The following PDE4D variants were observed in gnomAD, a reference collection of about 807,000 sequenced individuals.
The protein encoded by PDE4D is phosphodiesterase 4D.
Under a neutral mutation model 87.4 loss-of-function variants are expected in PDE4D, and 24 were observed. That is an observed-to-expected ratio of 0.27 (90% CI 0.20 to 0.39). The LOEUF (loss-of-function observed/expected upper bound fraction) is 0.39, where lower values mean the gene tolerates loss of function less well. Ranked by LOEUF, PDE4D falls within the 10% of genes least tolerant of loss-of-function variation. The pLI is 1.00. For synonymous variants in PDE4D, 384 were observed against 383.2 expected (o/e 1.00, Z -0.02); for missense variants, 714 against 1,041.0 (o/e 0.69, Z 4.32).
At chr5:60,280,327 A>AT (rs1444768310) in intron 1 of PDE4D, among the ~76,000 whole-genome samples, 36 of 142,616 alleles carry the variant, frequency 2.5e-4, no homozygotes, top group African/African-American at 6.7e-4. Flanking sequence ...TATATATATA[A>AT]ATATATATAC....
intron 1 of PDE4D, among the ~76,000 whole-genome samples, chr5:59,300,031 G>C (rs1769888317): frequency 7.2e-6 from 1 of 138,770 alleles, no homozygotes; most frequent in Non-Finnish European, 1.5e-5. Flanking sequence ...AGAATCGCTT[G>C]AACTCAGGAG....
chr5:60,450,153 CAAATA>C (rs1220019851), intron 1 of PDE4D, among the ~76,000 whole-genome samples: 7 of 150,674 alleles, frequency 4.6e-5, no homozygotes, highest in Non-Finnish European at 1.0e-4. Flanking sequence ...GAGAAAGAGA[CAAATA>C]AAATAAAGCA....
At chr5:59,657,094 C>T (rs1744488238) in intron 1 of PDE4D, among the ~76,000 whole-genome samples, 2 of 151,946 alleles carry the variant, frequency 1.3e-5, no homozygotes, top group African/African-American at 2.4e-5. Flanking sequence ...TCATCCCAAC[C>T]AAATATATAC....
intron 5 of PDE4D, among the ~76,000 whole-genome samples, chr5:59,138,475 TG>T (rs1175747423): frequency 1.3e-5 from 2 of 152,120 alleles, no homozygotes; most frequent in Admixed American, 6.5e-5. Context: ...TGAGTAGAGA[TG>T]GGGTTTCACC....
intron 1 of PDE4D, among the ~76,000 whole-genome samples, chr5:59,749,115 A>T (rs1760052738): frequency 6.6e-6 from 1 of 152,236 alleles, no homozygotes; most frequent in South Asian, 2.1e-4. Flanking sequence ...CACTCTAGTC[A>T]GTCCTGTATC....
intron 6 of PDE4D, among the ~76,000 whole-genome samples, chr5:59,031,093 G>A (rs1159974723): frequency 6.6e-6 from 1 of 151,956 alleles, no homozygotes; most frequent in African/African-American, 2.4e-5. Flanking sequence ...GTGTTGGCAA[G>A]GATGTGGAGA....
At chr5:60,252,212 T>C (rs958079929) in intron 1 of PDE4D, among the ~76,000 whole-genome samples, 1 of 151,928 alleles carries the variant, frequency 6.6e-6, no homozygotes, top group African/African-American at 2.4e-5. Flanking sequence ...CATTAAGTGA[T>C]GCATGACTGT....
At chr5:59,916,175 C>T (rs185820138) in intron 3 of PDE4D, among the ~76,000 whole-genome samples, 4 of 152,278 alleles carry the variant, frequency 2.6e-5, no homozygotes, top group African/African-American at 9.6e-5. Flanking sequence ...TGGTGGCCCT[C>T]CCCTGCAAGC....
intron 1 of PDE4D, among the ~76,000 whole-genome samples, chr5:59,538,864 T>A (rs1395859443): frequency 6.6e-6 from 1 of 152,148 alleles, no homozygotes; most frequent in Non-Finnish European, 1.5e-5. Context: ...GCACATTCAG[T>A]AATGTGGTAA....
intron 6 of PDE4D, among the ~76,000 whole-genome samples, chr5:59,030,422 CAAAAAAAAAAAAAA>C (rs373275661): frequency 1.7e-5 from 1 of 58,300 alleles, no homozygotes; most frequent in East Asian, 4.7e-4. Flanking sequence ...AACAGAGATA[CAAAAAAAAAAAAAA>C]AAAAAAAAAA....
At chr5:59,269,463 G>A (rs1270174462) in intron 1 of PDE4D, among the ~76,000 whole-genome samples, 2 of 152,080 alleles carry the variant, frequency 1.3e-5, no homozygotes, top group Admixed American at 1.3e-4. Context: ...GTCTTATAAG[G>A]CAGAGGTATT....
chr5:59,671,529 C>T (rs879263827), intron 1 of PDE4D, among the ~76,000 whole-genome samples: 21 of 152,042 alleles, frequency 1.4e-4, no homozygotes, highest in Admixed American at 7.9e-4. Flanking sequence ...ATTTTACAGC[C>T]AGGCATGACG....
At chr5:59,819,962 C>T (rs1008320972) in intron 1 of PDE4D, among the ~76,000 whole-genome samples, 1 of 152,184 alleles carries the variant, frequency 6.6e-6, no homozygotes, top group African/African-American at 2.4e-5. Flanking sequence ...TCATTTTCTG[C>T]TACTGCTGCA....
intron 1 of PDE4D, among the ~76,000 whole-genome samples, chr5:59,466,756 G>T (rs1015304297): frequency 6.6e-6 from 1 of 152,144 alleles, no homozygotes; most frequent in Non-Finnish European, 1.5e-5. Flanking sequence ...CTTGAAATAT[G>T]ATCAATCCTT....
At chr5:60,053,049 C>T (rs1036833921) in intron 2 of PDE4D, among the ~76,000 whole-genome samples, 2 of 152,142 alleles carry the variant, frequency 1.3e-5, no homozygotes, top group Non-Finnish European at 2.9e-5. Flanking sequence ...AGGACAAAAA[C>T]AAATGGAAAA....
intron 1 of PDE4D, among the ~76,000 whole-genome samples, chr5:60,450,774 T>A (rs1362059835): frequency 6.6e-6 from 1 of 152,104 alleles, no homozygotes; most frequent in East Asian, 1.9e-4. Context: ...CATGGTGATA[T>A]CTATCTTCAA....
At chr5:60,474,104 C>CTATATATATATA (rs1561295532) in intron 1 of PDE4D, among the ~76,000 whole-genome samples, 2 of 21,226 alleles carry the variant, frequency 9.4e-5, no homozygotes, top group Admixed American at 8.1e-4. Context: ...CTTTGAGCTG[C>CTATATATATATA]CATATATATA....
intron 1 of PDE4D, among the ~76,000 whole-genome samples, chr5:60,360,883 A>G (rs1014092071): frequency 3.3e-5 from 5 of 152,210 alleles, no homozygotes; most frequent in Admixed American, 1.3e-4. Flanking sequence ...TCCACGACTA[A>G]TCATCAAGTG....
chr5:59,963,791 A>T (rs930779352), intron 3 of PDE4D, among the ~76,000 whole-genome samples: 5 of 152,056 alleles, frequency 3.3e-5, no homozygotes, highest in Non-Finnish European at 7.4e-5. Flanking sequence ...CCCTATTCAG[A>T]GTGGGATGGC....
Sources: gnomAD v4.1 joint callset for allele counts (sites outside exome capture counted in the v4.1 genomes callset) on GRCh38, gnomAD v4.1.1 for gene constraint, MANE v1.5 for transcripts, NCBI Gene and HGNC (gene_info 2026-07-23, HGNC 2026-07-21) for gene names.